SASS6: variants seen among roughly 807,000 people sequenced by gnomAD.
SASS6 encodes spindle assembly abnormal protein 6 homolog.
In SASS6, 59 loss-of-function variants were observed where a neutral mutation model predicts 94.9. The observed-to-expected ratio is 0.62, with a 90% CI of 0.50 to 0.77. The LOEUF is 0.77. SASS6 is among the 30% of genes least tolerant of loss of function. The pLI, the probability that SASS6 is intolerant of heterozygous loss-of-function variation, is 0.00. For synonymous variants in SASS6, 264 were observed against 270.0 expected (o/e 0.98, Z 0.22); for missense variants, 698 against 734.1 (o/e 0.95, Z 0.57).
At chr1:100,091,783 A>C (rs1412499566) in intron 14 of SASS6, among the ~76,000 whole-genome samples, 1 of 151,800 alleles carries the variant, frequency 6.6e-6, no homozygotes, top group Non-Finnish European at 1.5e-5. Flanking sequence ...AGAAAAAATA[A>C]GAATGGAAGA....
At chr1:100,114,311 T>C (rs889238907) in intron 7 of SASS6, among the ~76,000 whole-genome samples, 2 of 151,974 alleles carry the variant, frequency 1.3e-5, no homozygotes, top group Admixed American at 6.6e-5. Context: ...CCATAGTCTA[T>C]AACCCACATT....
chr1:100,110,771 G>C (rs565480024), intron 7 of SASS6, among the ~76,000 whole-genome samples: 1 of 151,884 alleles, frequency 6.6e-6, no homozygotes, highest in African/African-American at 2.4e-5. Flanking sequence ...CAGTCTTCAA[G>C]TTAAGGGAAG....
At chr1:100,100,720 C>T (rs1277426645) in intron 14 of SASS6, among the ~76,000 whole-genome samples, 2 of 152,172 alleles carry the variant, frequency 1.3e-5, no homozygotes, top group East Asian at 3.8e-4. Context: ...AGGAAGATCA[C>T]AGGTTCAACG....
intron 15 of SASS6, among the ~76,000 whole-genome samples, chr1:100,087,138 C>T (rs1467991066): frequency 2.6e-5 from 4 of 152,090 alleles, no homozygotes; most frequent in South Asian, 2.1e-4. Flanking sequence ...GTGCCCACCA[C>T]GCCCGGTTAA....
At chr1:100,120,357 T>A in intron 6 of SASS6, 37 bp downstream of exon 6, 2 of 1,048,864 alleles carry the variant, frequency 1.9e-6, no homozygotes, top group Non-Finnish European at 3.0e-6. Flanking sequence ...TGCCAATGTC[T>A]GGATGACTTA....
Position 100,083,651 on chromosome 1 carries a change from CAT to C in SASS6, c.*1675_*1676del, listed in dbSNP as rs779527397. 94 of 152,072 alleles carry C rather than the reference CAT, an allele frequency of 6.2e-4. No homozygotes were observed. Among genetic ancestry groups the C allele is most frequent in the African/African-American group, 1.6e-3 (67 of 41,516 alleles). 9.4% of individuals were successfully genotyped at this position (152,072 alleles called of 1,614,324 possible). A position where few individuals can be genotyped will look rare whatever the true frequency, so the allele number is the denominator to read the frequency against. The stretch of plus-strand genomic sequence containing the variant: ...ATGCAACACTTTTTGATTATTAACA[CAT>C]GTACAATTTTACACTGCAAAACAAT... On this transcript the variant is annotated 3_prime_UTR_variant, in exon 17 of 17. Coordinates refer to ENST00000287482, the MANE Select transcript of SASS6 (RefSeq NM_194292.3).
chr1:100,132,708 C>A, intron 1 of SASS6, 42 bp downstream of exon 1: 1 of 1,550,666 alleles, frequency 6.4e-7, no homozygotes. Context: ...ATTGGCCTGA[C>A]CCCAACCGCC....
At chr1:100,102,451 C>CG (rs985660626) in intron 14 of SASS6, among the ~76,000 whole-genome samples, 49 of 152,128 alleles carry the variant, frequency 3.2e-4, no homozygotes, top group African/African-American at 1.1e-3. Flanking sequence ...CCAAGGCAGG[C>CG]GGATCACTTG....
chr1:100,084,382 T>A lies in SASS6; in HGVS notation c.*946A>T, dbSNP rs966097737. Reference sequence around the variant, plus strand: ...AGGCCCTATGATTCTAGGTGAATTTTAAAAAAATTTTTCCCCAAGGAACAA... The same window carrying A: ...AGGCCCTATGATTCTAGGTGAATTTAAAAAAAATTTTTCCCCAAGGAACAA... On this transcript the variant is annotated 3_prime_UTR_variant, in exon 17 of 17. Coordinates refer to ENST00000287482, the MANE Select transcript of SASS6 (RefSeq NM_194292.3). 4 of 152,058 alleles carry A rather than the reference T, an allele frequency of 2.6e-5. No homozygotes were observed. Among genetic ancestry groups the A allele is most frequent in the South Asian group, 4.1e-4 (2 of 4,826 alleles). The allele number at this position is 152,058 out of a possible 1,614,324, so 9.4% of individuals were successfully genotyped here. A position where few individuals can be genotyped will look rare whatever the true frequency, so the allele number is the denominator to read the frequency against.
intron 7 of SASS6, among the ~76,000 whole-genome samples, chr1:100,118,137 G>T (rs1363302200): frequency 3.3e-5 from 5 of 152,048 alleles, no homozygotes; most frequent in Admixed American, 6.5e-5. Context: ...CCGACATGGA[G>T]AAACCCCATC....
Position 100,104,489 on chromosome 1 carries a change from T to A in SASS6, c.1545+1278A>T, listed in dbSNP as rs140450172. ...CCTTTTTTCTGTTTGAGATAGAGTC[T>A]CACTCTGTTGCCCAGGCTGGAGTAC... On this transcript the variant is annotated intron_variant, in intron 13 of 16. Transcript: ENST00000287482. 1.7e-3 allele frequency among the ~76,000 whole-genome samples: 252 copies of A among 152,200 alleles called. 3 individuals carry two copies. The highest frequency in any genetic ancestry group is 5.7e-3 in the African/African-American group (235 of 41,554).
intron 13 of SASS6, among the ~76,000 whole-genome samples, chr1:100,104,446 G>A (rs1004315139): frequency 2.0e-5 from 3 of 152,046 alleles, no homozygotes; most frequent in Non-Finnish European, 2.9e-5. Flanking sequence ...AATGTAAGAA[G>A]CTGCTTTTCC....
chr1:100,110,265 G>A (rs992653587), intron 8 of SASS6, 27 bp downstream of exon 8: 6 of 1,392,066 alleles, frequency 4.3e-6, no homozygotes, highest in Non-Finnish European at 4.9e-6. Context: ...CTTAAATTGG[G>A]GGAGGAAAAA....
intron 6 of SASS6, among the ~76,000 whole-genome samples, chr1:100,119,483 T>A (rs1480413505): frequency 6.6e-6 from 1 of 152,202 alleles, no homozygotes; most frequent in African/African-American, 2.4e-5. Context: ...CATGGCCCTG[T>A]GGGCCACATT....
chr1:100,088,106 C>T (rs1487687178), intron 15 of SASS6, 33 bp downstream of exon 15: 1 of 1,216,418 alleles, frequency 8.2e-7, no homozygotes, highest in Non-Finnish European at 1.2e-6. Context: ...TTCAAAATTG[C>T]AAACATTAAA....
chr1:100,107,304 TA>T, intron 11 of SASS6, 69 bp downstream of exon 11: 1 of 956,504 alleles, frequency 1.0e-6, no homozygotes, highest in Non-Finnish European at 1.6e-6. Flanking sequence ...TTTGTTAATG[TA>T]ACAAAGCATA....
intron 7 of SASS6, among the ~76,000 whole-genome samples, chr1:100,111,448 T>G (rs1363329600): frequency 6.6e-6 from 1 of 152,112 alleles, no homozygotes; most frequent in Non-Finnish European, 1.5e-5. Flanking sequence ...TCATTTAACT[T>G]CTGCCCTATT....
At chr1:100,100,611 A>C (rs1381171958) in intron 14 of SASS6, among the ~76,000 whole-genome samples, 1 of 152,208 alleles carries the variant, frequency 6.6e-6, no homozygotes, top group Non-Finnish European at 1.5e-5. Flanking sequence ...TTCTTTCAGC[A>C]TTATTTTGTT....
rs1225154061 is a variant in SASS6 at position 100,121,517 on chromosome 1, A to G, written c.344T>C (p.Ile115Thr). The change falls in exon 5 of 17, where the codon ATT (isoleucine) becomes ACT (threonine). Residue 115 changes from isoleucine (I) to threonine (T), a missense_variant. Physicochemically the swap from Ile to Thr is moderately conservative, Grantham distance 89. Coordinates refer to ENST00000287482, the MANE Select transcript of SASS6 (RefSeq NM_194292.3). Reference protein sequence around the residue: ...FLLQLVSPAAILDNSPAFLNV... With the variant: ...FLLQLVSPAATLDNSPAFLNV... ...TAAAAATGCAGGTGAGTTATCCAAA[A>G]TAGCTGCTGGAGAAACTAACTGTAG... The G allele has an allele frequency of 5.0e-6, 8 of 1,600,474 alleles. No homozygotes were observed. Among genetic ancestry groups the G allele is most frequent in the Non-Finnish European group, 6.8e-6 (8 of 1,171,796 alleles).
Sources: gnomAD v4.1 joint callset for allele counts (sites outside exome capture counted in the v4.1 genomes callset) on GRCh38, gnomAD v4.1.1 for gene constraint, MANE v1.5 for transcripts, NCBI Gene and HGNC (gene_info 2026-07-23, HGNC 2026-07-21) for gene names.